INPP4B: variants seen among roughly 807,000 people sequenced by gnomAD.
The protein encoded by INPP4B is inositol polyphosphate 4-phosphatase type II.
A neutral mutation model predicts 122.5 loss-of-function variants in INPP4B; 55 were observed. The observed-to-expected ratio is 0.45, with a 90% CI of 0.36 to 0.56. The LOEUF is 0.56. INPP4B is among the 20% of genes least tolerant of loss of function. The probability of loss-of-function intolerance (pLI) is 0.00; values close to 1 mark genes in which losing one functional copy is unlikely to be tolerated. For synonymous variants in INPP4B, 403 were observed against 388.7 expected, an observed-to-expected ratio of 1.04 and a Z score of -0.43; for missense variants, 1,000 against 1,097.7, an observed-to-expected ratio of 0.91 and a Z score of 1.26.
chr4:142,257,391 A>G (rs926539638), intron 11 of INPP4B, among the ~76,000 whole-genome samples: 2 of 152,130 alleles, frequency 1.3e-5, no homozygotes, highest in Non-Finnish European at 2.9e-5. Context: ...AGGGTATTCA[A>G]TTAGGAAAAG....
intron 25 of INPP4B, among the ~76,000 whole-genome samples, chr4:142,051,234 T>G: frequency 6.6e-6 from 1 of 152,104 alleles, no homozygotes. Flanking sequence ...TTGAATACTT[T>G]CATTAAACAT....
intron 7 of INPP4B, among the ~76,000 whole-genome samples, chr4:142,372,870 T>A (rs1391095): frequency 0.25 from 38,460 of 151,914 alleles, 5,034 homozygotes; most frequent in Middle Eastern, 0.31. Context: ...CCTGCTGCCT[T>A]CCTAGTCTCA....
intron 2 of INPP4B, among the ~76,000 whole-genome samples, chr4:142,578,294 T>A (rs1332313137): frequency 6.6e-6 from 1 of 151,982 alleles, no homozygotes; most frequent in Non-Finnish European, 1.5e-5. Flanking sequence ...AAACCCGTAA[T>A]GATGAGATTT....
intron 3 of INPP4B, among the ~76,000 whole-genome samples, chr4:142,461,410 T>G (rs1213747694): frequency 2.0e-5 from 3 of 152,216 alleles, no homozygotes. Flanking sequence ...AAACCAGTAT[T>G]ACTAATGCTA....
At chr4:142,477,291 T>C (rs977848029) in intron 2 of INPP4B, among the ~76,000 whole-genome samples, 3 of 152,114 alleles carry the variant, frequency 2.0e-5, no homozygotes, top group Non-Finnish European at 2.9e-5. Context: ...GGGACACAGC[T>C]AAAGCAGTGT....
intron 15 of INPP4B, among the ~76,000 whole-genome samples, chr4:142,181,823 T>G (rs1212887813): frequency 6.6e-6 from 1 of 152,204 alleles, no homozygotes; most frequent in Non-Finnish European, 1.5e-5. Flanking sequence ...AAAAATATTT[T>G]TACTGACTAC....
At chr4:142,334,625 T>A (rs1234632772) in intron 7 of INPP4B, among the ~76,000 whole-genome samples, 1 of 152,172 alleles carries the variant, frequency 6.6e-6, no homozygotes, top group Admixed American at 6.5e-5. Flanking sequence ...TTATCTCATG[T>A]CTTTTTGATA....
intron 21 of INPP4B, among the ~76,000 whole-genome samples, chr4:142,116,571 A>G (rs775887878): frequency 3.4e-4 from 52 of 152,234 alleles, no homozygotes; most frequent in Non-Finnish European, 6.8e-4. Flanking sequence ...TACTGGGTAC[A>G]TAACGAAATG....
At chr4:142,693,711 A>T (rs1330431098) in intron 2 of INPP4B, among the ~76,000 whole-genome samples, 2 of 152,110 alleles carry the variant, frequency 1.3e-5, no homozygotes, top group African/African-American at 4.8e-5. Flanking sequence ...GTGATGGTAC[A>T]ATATTCAGGC....
chr4:142,123,295 A>G lies in INPP4B; in HGVS notation c.2014T>C (p.Tyr672His). The change falls in exon 20 of 26, where the codon TAC becomes CAC. Residue 672 changes from tyrosine to histidine, a missense_variant. Tyr to His is a moderately conservative substitution (Grantham distance 83). Transcript: ENST00000262992. ...CTTGTACTAAAGCAATACTCACTGT[A>G]TGTACTTAGCAGTCCTTCATATTGT... ...IVQYEGLLST[Y>H]SDEIGMLEDM... The G allele has an allele frequency of 6.2e-7, 1 of 1,608,242 alleles. No homozygotes were observed. Among genetic ancestry groups the G allele is most frequent in the African/African-American group, 1.3e-5 (1 of 74,822 alleles).
chr4:142,592,172 T>G (rs774345271), intron 2 of INPP4B, among the ~76,000 whole-genome samples: 3 of 152,182 alleles, frequency 2.0e-5, no homozygotes, highest in Non-Finnish European at 4.4e-5. Context: ...AAGTTTATTT[T>G]AAAGTTGAGT....
chr4:142,367,664 T>C (rs547052117), intron 7 of INPP4B, among the ~76,000 whole-genome samples: 1 of 152,236 alleles, frequency 6.6e-6, no homozygotes, highest in South Asian at 2.1e-4. Context: ...TTATGCTCTA[T>C]TGTCCGCAAT....
At chr4:142,119,725 A>G (rs952526331) in intron 21 of INPP4B, among the ~76,000 whole-genome samples, 3 of 151,762 alleles carry the variant, frequency 2.0e-5, no homozygotes, top group Non-Finnish European at 4.4e-5. Context: ...CGGCACACCA[A>G]CATGGCAGAT....
At chr4:142,208,209 A>C (rs931569256) in intron 14 of INPP4B, among the ~76,000 whole-genome samples, 1 of 152,146 alleles carries the variant, frequency 6.6e-6, no homozygotes, top group Non-Finnish European at 1.5e-5. Flanking sequence ...TCTCTACCTC[A>C]ATCCAGGTGA....
At chr4:142,700,651 G>T (rs1761626404) in intron 2 of INPP4B, among the ~76,000 whole-genome samples, 1 of 147,164 alleles carries the variant, frequency 6.8e-6, no homozygotes, top group Admixed American at 7.0e-5. Flanking sequence ...ACTCATTTTT[G>T]CCCTGTCTTA....
At chr4:142,557,852 T>C (rs1354327930) in intron 2 of INPP4B, among the ~76,000 whole-genome samples, 14 of 152,218 alleles carry the variant, frequency 9.2e-5, no homozygotes, top group Admixed American at 9.2e-4. Context: ...GCAGAGTTTC[T>C]AGTTCTATCT....
At chr4:142,082,326 G>A (rs558895874) in intron 24 of INPP4B, 141 bp from the exon 25 acceptor site, 35 of 606,682 alleles carry the variant, frequency 5.8e-5, no homozygotes, top group Middle Eastern at 5.1e-4. Context: ...TTGTTCAATC[G>A]GTCTCATCAA....
intron 7 of INPP4B, among the ~76,000 whole-genome samples, chr4:142,377,833 C>A (rs1579894797): frequency 6.6e-6 from 1 of 151,992 alleles, no homozygotes; most frequent in African/African-American, 2.4e-5. Flanking sequence ...CAAATTCAAA[C>A]AACCCTGGTG....
intron 11 of INPP4B, among the ~76,000 whole-genome samples, chr4:142,244,287 CTTTTTTTTTTTTTTT>C (rs56945961): frequency 1.4e-5 from 1 of 73,764 alleles, no homozygotes. Context: ...GTATATGTGC[CTTTTTTTTTTTTTTT>C]TTTTTTTTTT....
Sources: allele counts gnomAD v4.1 joint callset (sites outside exome capture counted in the v4.1 genomes callset), GRCh38; gene constraint gnomAD v4.1.1; transcripts MANE v1.5; gene names NCBI Gene and HGNC (gene_info 2026-07-23, HGNC 2026-07-21).